The following NSUN3 variants were observed in gnomAD, a reference collection of about 807,000 sequenced individuals.
NSUN3 encodes tRNA (cytosine(34)-C(5))-methyltransferase, mitochondrial.
NSUN3 carries 24 observed loss-of-function variants against 36.8 expected under a neutral mutation model. That is an observed-to-expected ratio of 0.65 (90% CI 0.47 to 0.92). NSUN3 has a LOEUF of 0.92. Ranked by LOEUF, NSUN3 falls within the 40% of genes least tolerant of loss-of-function variation. NSUN3 has a pLI of 0.00. For synonymous variants in NSUN3, 146 were observed against 145.2 expected, an observed-to-expected ratio of 1.01 and a Z score of -0.04; for missense variants, 381 against 392.8, an observed-to-expected ratio of 0.97 and a Z score of 0.25.
intron 2 of NSUN3, among the ~76,000 whole-genome samples, chr3:94,069,502 G>A (rs926012535): frequency 1.3e-5 from 2 of 152,104 alleles, no homozygotes; most frequent in Non-Finnish European, 2.9e-5. Context: ...AATCTACAGG[G>A]TTATATTAAT....
chr3:94,085,622 G>A (rs1004078251), intron 3 of NSUN3, among the ~76,000 whole-genome samples: 1 of 152,152 alleles, frequency 6.6e-6, no homozygotes, highest in African/African-American at 2.4e-5. Flanking sequence ...ACCTGGGTAT[G>A]GTGGTGCATG....
At chr3:94,122,542 G>A (rs1385760519) in intron 5 of NSUN3, among the ~76,000 whole-genome samples, 2 of 152,060 alleles carry the variant, frequency 1.3e-5, no homozygotes, top group African/African-American at 2.4e-5. Context: ...ATCTCACACT[G>A]TACTCAGTTT....
At chr3:94,081,197 C>T (rs1395472414) in intron 2 of NSUN3, among the ~76,000 whole-genome samples, 3 of 152,158 alleles carry the variant, frequency 2.0e-5, no homozygotes, top group Non-Finnish European at 2.9e-5. Flanking sequence ...CCTGATGAGG[C>T]GATGCCCCAC....
intron 5 of NSUN3, among the ~76,000 whole-genome samples, chr3:94,110,088 T>C (rs1419499709): frequency 6.6e-6 from 1 of 152,186 alleles, no homozygotes; most frequent in Non-Finnish European, 1.5e-5. Context: ...TTGGGTCAGG[T>C]GTAAAAGTGG....
chr3:94,083,441 G>A (rs1235623907), intron 2 of NSUN3, among the ~76,000 whole-genome samples: 1 of 152,206 alleles, frequency 6.6e-6, no homozygotes, highest in East Asian at 1.9e-4. Flanking sequence ...GCCACTTGGT[G>A]CTTACCTCAT....
At chr3:94,086,439 G>C (rs570788253) in intron 3 of NSUN3, among the ~76,000 whole-genome samples, 1 of 152,332 alleles carries the variant, frequency 6.6e-6, no homozygotes, top group African/African-American at 2.4e-5. Flanking sequence ...TTGATGATCT[G>C]AAAATGGATT....
chr3:94,065,201 A>G (rs2077199563), intron 2 of NSUN3, among the ~76,000 whole-genome samples: 1 of 152,218 alleles, frequency 6.6e-6, no homozygotes, highest in Non-Finnish European at 1.5e-5. Flanking sequence ...CTGCATGTCC[A>G]GTTTACATGC....
chr3:94,064,242 ATT>A (rs1365162430), intron 1 of NSUN3, 193 bp from the exon 2 acceptor site: 1 of 563,864 alleles, frequency 1.8e-6, no homozygotes, highest in African/African-American at 1.9e-5. Flanking sequence ...TTGGAAAATA[ATT>A]ATTTGGAAAA....
At chr3:94,092,192 A>C (rs1362813531) in intron 3 of NSUN3, among the ~76,000 whole-genome samples, 1 of 152,090 alleles carries the variant, frequency 6.6e-6, no homozygotes, top group East Asian at 1.9e-4. Context: ...AAGAGACAAA[A>C]AGCAGCCAGC....
At chr3:94,100,078 A>C (rs1056521553) in intron 5 of NSUN3, among the ~76,000 whole-genome samples, 1 of 152,224 alleles carries the variant, frequency 6.6e-6, no homozygotes, top group Non-Finnish European at 1.5e-5. Context: ...ATTTACAAAG[A>C]GCAATTGGAA....
At chr3:94,100,803 C>G (rs1426342642) in intron 5 of NSUN3, among the ~76,000 whole-genome samples, 1 of 152,066 alleles carries the variant, frequency 6.6e-6, no homozygotes, top group Non-Finnish European at 1.5e-5. Flanking sequence ...TGAAGGCATG[C>G]AGTCACTTTA....
At chr3:94,066,614 T>C (rs549718864) in intron 2 of NSUN3, among the ~76,000 whole-genome samples, 1 of 152,314 alleles carries the variant, frequency 6.6e-6, no homozygotes, top group East Asian at 1.9e-4. Context: ...TTTACCCTGG[T>C]TCAATTCTTG....
chr3:94,129,109 T>G lies in NSUN3; in HGVS notation c.*2619T>G, dbSNP rs548661343. ...CAGTTTGGAGATTTCTCAAAGAACT[T>G]TATAACAGAATTGCCATTTGAGCTA... On this transcript the variant is annotated 3_prime_UTR_variant, in exon 6 of 6. Coordinates refer to ENST00000314622, the MANE Select transcript of NSUN3 (RefSeq NM_022072.5). Among the ~76,000 whole-genome samples the G allele has an allele frequency of 5.3e-5, 8 of 152,288 alleles. No homozygotes were observed. Among genetic ancestry groups the G allele is most frequent in the Admixed American group, 5.2e-4 (8 of 15,296 alleles).
rs774006815 is a variant in NSUN3, at chr3:94,064,503, A to G, written c.79A>G (p.Lys27Glu). ...CAAAGTTGTGTTGGATCATTTTGAA[A>G]AACAGTATTCCAAAGAACTCGGAGA... ...ICKVVLDHFEKQYSKELGDAW... is the reference protein window; with the variant it reads ...ICKVVLDHFEEQYSKELGDAW... The change falls in exon 2 of 6, where the codon AAA becomes GAA. Residue 27 changes from lysine to glutamate, a missense_variant. Lys to Glu is a moderately conservative substitution (Grantham distance 56). Transcript: ENST00000314622. 2 of 1,613,494 alleles carry G rather than the reference A, an allele frequency of 1.2e-6. No individual in the cohort carries two copies. Among genetic ancestry groups the G allele is most frequent in the Non-Finnish European group, 1.7e-6 (2 of 1,179,574 alleles).
Position 94,073,263 on chromosome 3 carries a change from A to G in NSUN3, c.122+8717A>G, listed in dbSNP as rs146433469. 5.0e-3 allele frequency among the ~76,000 whole-genome samples: 762 copies of G among 152,292 alleles called. 5 individuals carry two copies. The highest frequency in any genetic ancestry group is 0.018 in the African/African-American group (728 of 41,550). ...TTGTGAATAGTGCTGCAATAAACAT[A>G]TGTGTGCATGTGTCCTTATAGTAGA... On this transcript the variant is annotated intron_variant, in intron 2 of 5. Coordinates refer to ENST00000314622, the MANE Select transcript of NSUN3 (RefSeq NM_022072.5).
At chr3:94,080,990 G>A (rs1317407123) in intron 2 of NSUN3, among the ~76,000 whole-genome samples, 1 of 152,200 alleles carries the variant, frequency 6.6e-6, no homozygotes, top group Non-Finnish European at 1.5e-5. Flanking sequence ...TTCGGTGTCT[G>A]CCTAAAGAGC....
chr3:94,075,307 G>A (rs2077241658), intron 2 of NSUN3, among the ~76,000 whole-genome samples: 1 of 151,970 alleles, frequency 6.6e-6, no homozygotes, highest in South Asian at 2.1e-4. Flanking sequence ...GAAACAACAT[G>A]AAAACAGCTC....
At chr3:94,065,158 T>C (rs1307855410) in intron 2 of NSUN3, among the ~76,000 whole-genome samples, 1 of 152,238 alleles carries the variant, frequency 6.6e-6, no homozygotes, top group Non-Finnish European at 1.5e-5. Flanking sequence ...TGATACACTA[T>C]ATAACCCTCT....
intron 3 of NSUN3, 145 bp from the exon 4 acceptor site, chr3:94,093,995 A>T (rs1246540108): frequency 2.1e-5 from 13 of 625,808 alleles, no homozygotes; most frequent in Non-Finnish European, 3.3e-5. Flanking sequence ...TTTTTAAAGC[A>T]TAAGAAAATA....
Sources: gnomAD v4.1 joint callset for allele counts (sites outside exome capture counted in the v4.1 genomes callset) on GRCh38, gnomAD v4.1.1 for gene constraint, MANE v1.5 for transcripts, NCBI Gene and HGNC (gene_info 2026-07-23, HGNC 2026-07-21) for gene names.